The following PRICKLE2 variants were observed in gnomAD, a reference collection of about 807,000 sequenced individuals.
The protein encoded by PRICKLE2 is prickle planar cell polarity protein 2.
In PRICKLE2, 21 loss-of-function variants were observed where a neutral mutation model predicts 81.4. The ratio of observed to expected loss-of-function variants is 0.26; its 90% CI spans 0.18 to 0.37. PRICKLE2 has a LOEUF of 0.37. Among genes scored for constraint, PRICKLE2 ranks in the 10% least tolerant of loss-of-function variants. PRICKLE2 has a pLI of 1.00. For synonymous variants in PRICKLE2, 456 were observed against 421.5 expected (o/e 1.08, Z -1.00); for missense variants, 940 against 1,109.0 (o/e 0.85, Z 2.16).
chr3:64,139,646 T>C (rs980505861), intron 7 of PRICKLE2, among the ~76,000 whole-genome samples: 3 of 152,234 alleles, frequency 2.0e-5, no homozygotes, highest in African/African-American at 7.2e-5. Context: ...GCCTGACATT[T>C]TAAGGGTTTT....
intron 2 of PRICKLE2, among the ~76,000 whole-genome samples, chr3:64,196,665 T>C (rs561217104): frequency 6.6e-6 from 1 of 152,298 alleles, no homozygotes; most frequent in African/African-American, 2.4e-5. Context: ...ATGGAGATTA[T>C]TTTCTGGGAG....
intron 2 of PRICKLE2, among the ~76,000 whole-genome samples, chr3:64,258,780 T>C (rs4993329): frequency 4.7e-4 from 64 of 135,338 alleles, no homozygotes; most frequent in African/African-American, 1.0e-3. Flanking sequence ...GCCGAGATCA[T>C]GCCACTGCAC....
At chr3:64,231,033 G>A (rs1202679980) in intron 2 of PRICKLE2, among the ~76,000 whole-genome samples, 1 of 152,134 alleles carries the variant, frequency 6.6e-6, no homozygotes, top group African/African-American at 2.4e-5. Context: ...TCTAAATCTT[G>A]TGAAAAATAA....
chr3:64,179,304 T>C (rs1180109344), intron 2 of PRICKLE2, among the ~76,000 whole-genome samples: 1 of 151,924 alleles, frequency 6.6e-6, no homozygotes, highest in Non-Finnish European at 1.5e-5. Context: ...TCGAACTCAC[T>C]ACCTCAGGTG....
intron 7 of PRICKLE2, among the ~76,000 whole-genome samples, chr3:64,136,149 C>A (rs938027472): frequency 6.6e-6 from 1 of 152,074 alleles, no homozygotes; most frequent in African/African-American, 2.4e-5. Flanking sequence ...TCAAGGACAT[C>A]TTCAGAAATT....
intron 2 of PRICKLE2, among the ~76,000 whole-genome samples, chr3:64,252,775 G>C (rs55671636): frequency 0.17 from 25,202 of 152,012 alleles, 2,338 homozygotes; most frequent in Non-Finnish European, 0.19. Flanking sequence ...ATTAGATCAG[G>C]GGTCAACAAA....
At chr3:64,151,233 G>A (rs2077542296) in intron 6 of PRICKLE2, among the ~76,000 whole-genome samples, 1 of 152,212 alleles carries the variant, frequency 6.6e-6, no homozygotes, top group Non-Finnish European at 1.5e-5. Flanking sequence ...ACTGTCACAG[G>A]AAAATTATGT....
chr3:64,225,152 ACT>A lies in PRICKLE2; in HGVS notation c.-285_-284del, dbSNP rs2107154149. 3.0e-6 allele frequency: 3 copies of A among 985,048 alleles called. No individual in the cohort carries two copies. Among genetic ancestry groups the A allele is most frequent in the East Asian group, 1.1e-4 (1 of 8,782 alleles). 61.0% of individuals were successfully genotyped at this position (985,048 alleles called of 1,614,324 possible). A position where few individuals can be genotyped will look rare whatever the true frequency, so the allele number is the denominator to read the frequency against. ...GGGAAAACAGCACTGCTGGATCCAG[ACT>A]CTGCTGGGGAATTCACCAAGCAAGA... On this transcript the variant is annotated 5_prime_UTR_variant, in exon 1 of 8. Transcript: ENST00000638394.
Position 64,225,324 on chromosome 3 carries a change from C to T in PRICKLE2, c.-455G>A. 1.0e-6 allele frequency: 1 copy of T among 985,446 alleles called. No homozygotes were observed. The highest frequency in any genetic ancestry group is 1.7e-5 in the African/African-American group (1 of 57,348). The allele number at this position is 985,446 out of a possible 1,614,324, so 61.0% of individuals were successfully genotyped here. A position where few individuals can be genotyped will look rare whatever the true frequency, so the allele number is the denominator to read the frequency against. ...ATAGACTCCAGCCCAGCGTCACCAGCTGATCCTGAGCCAGACCCGGGGTGA... is the reference window on the plus strand; with the variant it reads ...ATAGACTCCAGCCCAGCGTCACCAGTTGATCCTGAGCCAGACCCGGGGTGA... On this transcript the variant is annotated 5_prime_UTR_variant, in exon 1 of 8. Transcript: ENST00000638394.
At chr3:64,216,251 T>C (rs760818237) in intron 1 of PRICKLE2, among the ~76,000 whole-genome samples, 2 of 152,248 alleles carry the variant, frequency 1.3e-5, no homozygotes, top group East Asian at 3.8e-4. Context: ...GGTGACTTGA[T>C]GCCCTTAAAA....
intron 2 of PRICKLE2, among the ~76,000 whole-genome samples, chr3:64,165,713 T>C (rs1434108000): frequency 2.6e-5 from 4 of 152,156 alleles, no homozygotes; most frequent in Non-Finnish European, 5.9e-5. Flanking sequence ...CTTGCTATGT[T>C]GACCAAGTTG....
At chr3:64,205,307 G>A (rs935955720) in intron 1 of PRICKLE2, among the ~76,000 whole-genome samples, 31 of 152,234 alleles carry the variant, frequency 2.0e-4, no homozygotes, top group African/African-American at 6.7e-4. Context: ...CATGGCTTCC[G>A]TATCTCAGCA....
intron 2 of PRICKLE2, among the ~76,000 whole-genome samples, chr3:64,256,514 T>C (rs1032351929): frequency 1.3e-5 from 2 of 152,210 alleles, no homozygotes; most frequent in Non-Finnish European, 2.9e-5. Flanking sequence ...CAGAAAAAGT[T>C]TGTTGACCCA....
At chr3:64,217,461 T>C (rs1014631539) in intron 1 of PRICKLE2, among the ~76,000 whole-genome samples, 8 of 152,176 alleles carry the variant, frequency 5.3e-5, no homozygotes, top group African/African-American at 1.9e-4. Flanking sequence ...ATTAAGTAAT[T>C]AACTAAAACT....
At chr3:64,153,058 T>C (rs2077572472) in intron 6 of PRICKLE2, 124 bp downstream of exon 6, 2 of 959,356 alleles carry the variant, frequency 2.1e-6, no homozygotes, top group Admixed American at 1.7e-5. Flanking sequence ...AGAAATTCCC[T>C]TTTTCAGTTA....
At chr3:64,145,268 T>TTATATATATA (rs533192608) in intron 7 of PRICKLE2, 1 of 144,818 alleles carries the variant, frequency 6.9e-6, no homozygotes, top group East Asian at 2.0e-4. Flanking sequence ...TCCAGCTAAT[T>TTATATATATA]TATATATATA....
At chr3:64,223,574 G>A (rs746221749) in intron 1 of PRICKLE2, among the ~76,000 whole-genome samples, 9 of 152,054 alleles carry the variant, frequency 5.9e-5, no homozygotes, top group Non-Finnish European at 1.2e-4. Flanking sequence ...TGGCTGCCCC[G>A]TGAATCTTTA....
At chr3:64,151,766 G>A (rs551812472) in intron 6 of PRICKLE2, among the ~76,000 whole-genome samples, 33 of 152,048 alleles carry the variant, frequency 2.2e-4, no homozygotes, top group Admixed American at 7.9e-4. Flanking sequence ...ACTGATCTTC[G>A]CATTTCCTAA....
intron 2 of PRICKLE2, among the ~76,000 whole-genome samples, chr3:64,192,813 T>C (rs2078369601): frequency 6.6e-6 from 1 of 152,172 alleles, no homozygotes; most frequent in Non-Finnish European, 1.5e-5. Context: ...TAAAACATAG[T>C]TATGGTCAAG....
Sources: gnomAD v4.1 joint callset for allele counts (sites outside exome capture counted in the v4.1 genomes callset) on GRCh38, gnomAD v4.1.1 for gene constraint, MANE v1.5 for transcripts, NCBI Gene and HGNC (gene_info 2026-07-23, HGNC 2026-07-21) for gene names.